NSD1: variants seen among roughly 807,000 people sequenced by gnomAD.
The protein encoded by NSD1 is histone-lysine N-methyltransferase, H3 lysine-36 specific.
Under a neutral mutation model 242.7 loss-of-function variants are expected in NSD1, and 26 were observed. That is an observed-to-expected ratio of 0.11 (90% CI 0.08 to 0.15). The LOEUF is 0.15. Among genes scored for constraint, NSD1 ranks in the 10% least tolerant of loss-of-function variants. NSD1 has a pLI of 1.00. For synonymous variants in NSD1, 1,106 were observed against 1,178.1 expected, an observed-to-expected ratio of 0.94 and a Z score of 1.25; for missense variants, 2,495 against 3,272.8, an observed-to-expected ratio of 0.76 and a Z score of 5.80.
At chr5:177,154,797 G>T (rs1487199736) in intron 2 of NSD1, among the ~76,000 whole-genome samples, 9 of 152,096 alleles carry the variant, frequency 5.9e-5, no homozygotes, top group Admixed American at 5.9e-4. Context: ...CTGGGTTCAA[G>T]TGATTCTCCT....
chr5:177,174,632 C>G (rs1333941671), intron 2 of NSD1, among the ~76,000 whole-genome samples: 3 of 151,624 alleles, frequency 2.0e-5, no homozygotes, highest in Non-Finnish European at 2.9e-5. Flanking sequence ...GATCTTGGCT[C>G]ACTGCAACCC....
chr5:177,246,671 G>T lies in NSD1; in HGVS notation c.4379-7G>T. ...GCCAGCAGTTAACACCTATTTTCCT[G>T]TCATAGGCACTACCAAGATATTTGA... On this transcript the variant is annotated splice_polypyrimidine_tract_variant and splice_region_variant and intron_variant, in intron 9 of 22. Coordinates refer to ENST00000439151, the MANE Select transcript of NSD1 (RefSeq NM_022455.5). 6.2e-7 allele frequency: 1 copy of T among 1,603,138 alleles called. No homozygotes were observed. The highest frequency in any genetic ancestry group is 8.5e-7 in the Non-Finnish European group (1 of 1,170,130).
chr5:177,293,702 A>G (rs1009577841), intron 22 of NSD1, 130 bp from the exon 23 acceptor site: 12 of 986,218 alleles, frequency 1.2e-5, no homozygotes, highest in African/African-American at 1.6e-5. Flanking sequence ...GGTGAGTGGC[A>G]TAAGCTCTCT....
intron 2 of NSD1, among the ~76,000 whole-genome samples, chr5:177,147,413 C>T (rs939805135): frequency 6.6e-6 from 1 of 152,044 alleles, no homozygotes; most frequent in Non-Finnish European, 1.5e-5. Flanking sequence ...GGCCTAGCCC[C>T]TCCATCTCTA....
intron 8 of NSD1, among the ~76,000 whole-genome samples, chr5:177,242,596 C>T (rs972373425): frequency 3.3e-5 from 5 of 151,698 alleles, no homozygotes; most frequent in Admixed American, 1.3e-4. Context: ...GGCACAATCT[C>T]GGCTCACCAC....
chr5:177,194,520 G>C (rs1007369381), intron 3 of NSD1, among the ~76,000 whole-genome samples: 1 of 148,844 alleles, frequency 6.7e-6, no homozygotes, highest in African/African-American at 2.5e-5. Context: ...GCTTAATAAG[G>C]GATCCTCCCA....
At chr5:177,154,248 T>A (rs564031703) in intron 2 of NSD1, among the ~76,000 whole-genome samples, 2 of 152,162 alleles carry the variant, frequency 1.3e-5, no homozygotes, top group African/African-American at 4.8e-5. Context: ...CTTTTTATGA[T>A]GTGTATTCTA....
chr5:177,283,660 G>T, intron 19 of NSD1, 127 bp from the exon 20 acceptor site: 1 of 1,088,954 alleles, frequency 9.2e-7, no homozygotes, highest in Admixed American at 1.9e-5. Context: ...AAGTTCTTTG[G>T]GATCTTTTCT....
chr5:177,299,713 A>G lies in NSD1; in HGVS notation c.*4254A>G, dbSNP rs1760472603. 8.6e-6 allele frequency: 2 copies of G among 233,208 alleles called. No homozygotes were observed. The highest frequency in any genetic ancestry group is 3.6e-4 in the South Asian group (2 of 5,530). 14.4% of individuals were successfully genotyped at this position (233,208 alleles called of 1,614,324 possible). A position where few individuals can be genotyped will look rare whatever the true frequency, so the allele number is the denominator to read the frequency against. On this transcript the variant is annotated 3_prime_UTR_variant, in exon 23 of 23. Coordinates refer to ENST00000439151, the MANE Select transcript of NSD1 (RefSeq NM_022455.5). ...CTAGAGCTGCTTTCCCATGGCTTTC[A>G]AAACATCAGGTTATTGTGGGGCTTC...
At position 177,248,248 on chromosome 5, in the gene NSD1, A is replaced by G; in HGVS notation, c.4565A>G (p.Asp1522Gly). The G allele has an allele frequency of 6.2e-7, 1 of 1,614,006 alleles. No individual in the cohort carries two copies. The highest frequency in any genetic ancestry group is 8.5e-7 in the Non-Finnish European group (1 of 1,179,968). ...ACTGTTGAGGAAGGTGTAGAACACG[A>G]TCCCGGGATGCCTGCCTCTAAAAAA... ...KETVEEGVEH[D>G]PGMPASKKMQ... The change falls in exon 11 of 23, where the codon GAT becomes GGT. Residue 1522 changes from aspartate (D) to glycine (G), a missense_variant. Physicochemically the swap from Asp to Gly is moderately conservative, Grantham distance 94 (BLOSUM62 -1). Coordinates refer to ENST00000439151, the MANE Select transcript of NSD1 (RefSeq NM_022455.5).
intron 2 of NSD1, among the ~76,000 whole-genome samples, chr5:177,186,393 A>G (rs1338818688): frequency 2.0e-5 from 3 of 152,048 alleles, no homozygotes; most frequent in Admixed American, 6.6e-5. Context: ...GCCAATGACT[A>G]TATTCAATTT....
At chr5:177,240,584 G>T (rs925461667) in intron 8 of NSD1, among the ~76,000 whole-genome samples, 2 of 151,988 alleles carry the variant, frequency 1.3e-5, no homozygotes, top group Non-Finnish European at 2.9e-5. Context: ...GTGGTGGCAG[G>T]CGCCTGTAGT....
In NSD1 at chr5:177,293,282, C is replaced by T. The variant is rs573266057; in HGVS notation, c.6464-550C>T. ...CAGCTTTGGGTCTTTTCTACTGATT[C>T]CATGTGAACAACATATAACGTGCTG... On this transcript the variant is annotated intron_variant, in intron 22 of 22. Coordinates refer to ENST00000439151, the MANE Select transcript of NSD1 (RefSeq NM_022455.5). Among the ~76,000 whole-genome samples the T allele has an allele frequency of 2.6e-5, 4 of 152,208 alleles. No homozygotes were observed. In the South Asian group the frequency reaches 8.3e-4, roughly 32 times the overall value.
chr5:177,272,619 G>A (rs938183817), intron 16 of NSD1, among the ~76,000 whole-genome samples: 5 of 152,202 alleles, frequency 3.3e-5, no homozygotes, highest in Admixed American at 3.3e-4. Flanking sequence ...GCCGGGCACA[G>A]TGACTCATGC....
At chr5:177,175,126 C>T (rs903304270) in intron 2 of NSD1, among the ~76,000 whole-genome samples, 21 of 152,154 alleles carry the variant, frequency 1.4e-4, no homozygotes. Context: ...TCGCCTCAGC[C>T]TCCCAAAGTG....
chr5:177,149,181 C>A (rs1757495250), intron 2 of NSD1, among the ~76,000 whole-genome samples: 1 of 151,770 alleles, frequency 6.6e-6, no homozygotes. Flanking sequence ...TAATTTTAGC[C>A]ATTCGTGTAG....
chr5:177,157,203 A>G (rs1758210790), intron 2 of NSD1, among the ~76,000 whole-genome samples: 2 of 151,886 alleles, frequency 1.3e-5, no homozygotes, highest in Admixed American at 1.3e-4. Flanking sequence ...CTTTGTCTCT[A>G]CTAAAAATAC....
chr5:177,232,965 C>G (rs1416030179), intron 5 of NSD1, among the ~76,000 whole-genome samples: 1 of 152,194 alleles, frequency 6.6e-6, no homozygotes, highest in Non-Finnish European at 1.5e-5. Context: ...ATGACTAGGA[C>G]AGAGTAACTG....
At chr5:177,246,166 C>T (rs1364835900) in intron 9 of NSD1, among the ~76,000 whole-genome samples, 2 of 151,646 alleles carry the variant, frequency 1.3e-5, no homozygotes, top group African/African-American at 4.8e-5. Flanking sequence ...GACAGGATTT[C>T]ACTATGTTGG....
Sources: gnomAD v4.1 joint callset for allele counts (sites outside exome capture counted in the v4.1 genomes callset) on GRCh38, gnomAD v4.1.1 for gene constraint, MANE v1.5 for transcripts, NCBI Gene and HGNC (gene_info 2026-07-23, HGNC 2026-07-21) for gene names.